ERBIN: variants seen among roughly 807,000 people sequenced by gnomAD.
The protein encoded by ERBIN is erbb2 interacting protein.
ERBIN carries 60 observed loss-of-function variants against 158.4 expected under a neutral mutation model. That is an observed-to-expected ratio of 0.38 (90% CI 0.31 to 0.47). The LOEUF (loss-of-function observed/expected upper bound fraction) is 0.47, where lower values mean the gene tolerates loss of function less well. Ranked by LOEUF, ERBIN falls within the 20% of genes least tolerant of loss-of-function variation. The pLI is 0.99. For synonymous variants in ERBIN, 594 were observed against 557.2 expected (o/e 1.07, Z -0.93); for missense variants, 1,610 against 1,648.0 (o/e 0.98, Z 0.40).
intron 1 of ERBIN, among the ~76,000 whole-genome samples, chr5:65,937,752 C>A (rs1208149138): frequency 6.6e-6 from 1 of 151,982 alleles, no homozygotes; most frequent in Non-Finnish European, 1.5e-5. Flanking sequence ...ACTAAAAATA[C>A]AAAAAAATTA....
At chr5:66,028,378 T>C (rs1423761196) in intron 14 of ERBIN, 35 bp downstream of exon 14, 1 of 1,552,234 alleles carries the variant, frequency 6.4e-7, no homozygotes, top group South Asian at 1.1e-5. Flanking sequence ...AATGGAGTTC[T>C]TATTTGTGTT....
intron 1 of ERBIN, among the ~76,000 whole-genome samples, chr5:65,933,206 C>A (rs903976670): frequency 6.6e-6 from 1 of 152,144 alleles, no homozygotes; most frequent in Non-Finnish European, 1.5e-5. Context: ...TTTGATCTTA[C>A]TGTGCTTTTG....
chr5:66,025,807 A>T, intron 11 of ERBIN, 41 bp from the exon 12 acceptor site: 1 of 1,299,380 alleles, frequency 7.7e-7, no homozygotes, highest in Non-Finnish European at 1.0e-6. Flanking sequence ...TATATAGGAA[A>T]TCTTTAACAA....
intron 23 of ERBIN, among the ~76,000 whole-genome samples, chr5:66,075,534 T>C (rs1324984887): frequency 2.6e-5 from 4 of 152,192 alleles, no homozygotes; most frequent in African/African-American, 9.6e-5. Flanking sequence ...ACCATTAAGC[T>C]GAAATTGTTC....
intron 1 of ERBIN, among the ~76,000 whole-genome samples, chr5:65,968,584 G>A (rs1030473456): frequency 6.6e-6 from 1 of 151,972 alleles, no homozygotes; most frequent in African/African-American, 2.4e-5. Context: ...TATTTGAGAC[G>A]ATGTCTTGCT....
At chr5:66,036,651 C>G (rs906885559) in intron 14 of ERBIN, among the ~76,000 whole-genome samples, 1 of 152,160 alleles carries the variant, frequency 6.6e-6, no homozygotes, top group Non-Finnish European at 1.5e-5. Context: ...CTCATAAACT[C>G]TACAGTAAAG....
intron 14 of ERBIN, 110 bp downstream of exon 14, chr5:66,028,453 T>G (rs1160057971): frequency 1.2e-5 from 7 of 604,142 alleles, no homozygotes; most frequent in Non-Finnish European, 1.9e-5. Context: ...GGTACACATG[T>G]AAACATATCT....
chr5:66,072,807 A>G (rs959822267), intron 22 of ERBIN, among the ~76,000 whole-genome samples: 1 of 152,154 alleles, frequency 6.6e-6, no homozygotes, highest in African/African-American at 2.4e-5. Context: ...ATAATTTTTT[A>G]CTATCCTCCC....
At chr5:65,971,359 GC>G (rs2150986774) in intron 1 of ERBIN, among the ~76,000 whole-genome samples, 1 of 152,118 alleles carries the variant, frequency 6.6e-6, no homozygotes, top group Admixed American at 6.5e-5. Flanking sequence ...GAGCCCTTGA[GC>G]GTGGGTAGAA....
chr5:65,969,292 A>G (rs1011671371), intron 1 of ERBIN, among the ~76,000 whole-genome samples: 1 of 152,228 alleles, frequency 6.6e-6, no homozygotes, highest in East Asian at 1.9e-4. Context: ...TGTATCTTCA[A>G]TAGAAAGGAA....
At chr5:65,988,881 G>A (rs1270641575) in intron 2 of ERBIN, among the ~76,000 whole-genome samples, 199 bp downstream of exon 2, 1 of 151,278 alleles carries the variant, frequency 6.6e-6, no homozygotes, top group African/African-American at 2.4e-5. Flanking sequence ...CCCTTGGGAG[G>A]CTGAGGTGGG....
At chr5:66,000,037 G>A (rs1055709955) in intron 4 of ERBIN, among the ~76,000 whole-genome samples, 5 of 152,050 alleles carry the variant, frequency 3.3e-5, no homozygotes, top group Non-Finnish European at 7.4e-5. Flanking sequence ...TAGAATTATT[G>A]TCACTTTAGA....
At chr5:65,941,042 T>G (rs968154859) in intron 1 of ERBIN, among the ~76,000 whole-genome samples, 1 of 152,152 alleles carries the variant, frequency 6.6e-6, no homozygotes, top group African/African-American at 2.4e-5. Context: ...CTCTGAAACA[T>G]GTGCTGTGTC....
At chr5:66,008,011 A>G (rs1753807061) in intron 4 of ERBIN, among the ~76,000 whole-genome samples, 1 of 152,248 alleles carries the variant, frequency 6.6e-6, no homozygotes, top group South Asian at 2.1e-4. Flanking sequence ...CAAAATTACT[A>G]CTATGTGTCT....
At chr5:66,077,481 C>CAAA (rs533208535) in intron 25 of ERBIN, among the ~76,000 whole-genome samples, 1 of 147,970 alleles carries the variant, frequency 6.8e-6, no homozygotes. Flanking sequence ...ATCCTCAAAC[C>CAAA]AAAAAAAAAG....
At chr5:65,964,947 ATT>A (rs772634145) in intron 1 of ERBIN, among the ~76,000 whole-genome samples, 1 of 75,640 alleles carries the variant, frequency 1.3e-5, no homozygotes, top group African/African-American at 7.6e-5. Context: ...TGTGTGTGTA[ATT>A]TTTTTTTTTT....
intron 4 of ERBIN, among the ~76,000 whole-genome samples, chr5:65,997,251 A>G (rs1752537874): frequency 6.6e-6 from 1 of 152,172 alleles, no homozygotes; most frequent in East Asian, 1.9e-4. Context: ...TTTGTCACAT[A>G]TGGCCTTTAT....
intron 21 of ERBIN, among the ~76,000 whole-genome samples, chr5:66,064,086 C>T (rs1161992228): frequency 6.6e-6 from 1 of 152,034 alleles, no homozygotes; most frequent in Non-Finnish European, 1.5e-5. Flanking sequence ...TGATACATTT[C>T]TAAAATGTTT....
At position 66,050,963 on chromosome 5, in the gene ERBIN, T is replaced by C. The variant is rs1440929507; in HGVS notation, c.2084T>C (p.Ile695Thr). 3 of 1,599,780 alleles carry C rather than the reference T, an allele frequency of 1.9e-6. No individual in the cohort carries two copies. The highest frequency in any genetic ancestry group is 2.6e-6 in the Non-Finnish European group (3 of 1,174,806). ...KQTHIDINSK[I>T]RQEDENFNSL... ...ACTCATATTGATATTAATTCCAAAA[T>C]CAGGTGTGTGAACCTCTTTTACAGT... Residue 695 changes from isoleucine (I) to threonine (T), a missense_variant, in exon 20 of 26, where the codon ATC becomes ACC. Ile to Thr is a moderately conservative substitution (Grantham distance 89). Coordinates refer to ENST00000284037, the MANE Select transcript of ERBIN (RefSeq NM_001253697.2).
Sources: allele counts gnomAD v4.1 joint callset (sites outside exome capture counted in the v4.1 genomes callset), GRCh38; gene constraint gnomAD v4.1.1; transcripts MANE v1.5; gene names NCBI Gene and HGNC (gene_info 2026-07-23, HGNC 2026-07-21).